The following RADIL variants were observed in gnomAD, a reference collection of about 807,000 sequenced individuals.
The protein encoded by RADIL is Rap associating with DIL domain, also known as ras-associating and dilute domain-containing protein.
Under a neutral mutation model 97.6 loss-of-function variants are expected in RADIL, and 99 were observed. The ratio of observed to expected loss-of-function variants is 1.01; its 90% CI spans 0.86 to 1.20. The LOEUF is 1.20. Among genes scored for constraint, RADIL ranks in the 50% most tolerant of loss-of-function variants. The pLI, the probability that RADIL is intolerant of heterozygous loss-of-function variation, is 0.00. For synonymous variants in RADIL, 803 were observed against 691.8 expected (o/e 1.16, Z -2.52); for missense variants, 1,765 against 1,498.9 (o/e 1.18, Z -2.93).
At position 4,798,089 on chromosome 7, in the gene RADIL, T is replaced by C. The variant is rs1320408161; in HGVS notation, c.*1289A>G. 6.8e-6 allele frequency: 1 copy of C among 147,930 alleles called. No homozygotes were observed. The highest frequency in any genetic ancestry group is 1.5e-5 in the Non-Finnish European group (1 of 67,236). The allele number at this position is 147,930 out of a possible 1,614,324, so 9.2% of individuals were successfully genotyped here. On this transcript the variant is annotated 3_prime_UTR_variant, in exon 15 of 15. Coordinates refer to ENST00000399583, the MANE Select transcript of RADIL (RefSeq NM_018059.5). ...TAATATATTCATATATAATTATATA[T>C]TTATATATATTCATATATTTTACAT... is the stretch of plus-strand genomic sequence containing the variant.
Position 4,824,442 on chromosome 7 carries a change from T to C in RADIL, c.1455-1888A>G, listed in dbSNP as rs1782919669. Among the ~76,000 whole-genome samples the C allele has an allele frequency of 1.3e-5, 2 of 152,210 alleles. No homozygotes were observed. The highest frequency in any genetic ancestry group is 2.4e-5 in the African/African-American group (1 of 41,462). The stretch of plus-strand genomic sequence containing the variant: ...AAGGCAGCCGGTTTGTGAGGGCATC[T>C]GGGAAGGGCTGAGGCCCTGTTTTCC... On this transcript the variant is annotated intron_variant, in intron 5 of 14. Coordinates refer to ENST00000399583, the MANE Select transcript of RADIL (RefSeq NM_018059.5). The surrounding 1 kb of genome is among the most constrained non-coding windows in gnomAD (Gnocchi z 6.7).
intron 2 of RADIL, among the ~76,000 whole-genome samples, chr7:4,846,123 CT>C (rs548251052): frequency 7.5e-4 from 108 of 143,652 alleles, no homozygotes; most frequent in East Asian, 1.9e-3. Context: ...CTACAATCTT[CT>C]TTTTTTTTTT....
chr7:4,819,073 T>TC lies in RADIL; in HGVS notation c.1616-1723_1616-1722insG, dbSNP rs540955989. Among the ~76,000 whole-genome samples, 10,839 of 113,608 alleles carry TC rather than the reference T, an allele frequency of 0.095. 592 individuals carry two copies. Among genetic ancestry groups the TC allele is most frequent in the African/African-American group, 0.2 (6,046 of 30,550 alleles). 74.5% of individuals were successfully genotyped at this position (113,608 alleles called of 152,430 possible). A position where few individuals can be genotyped will look rare whatever the true frequency, so the allele number is the denominator to read the frequency against. Reference sequence around the variant, plus strand: ...CTCCATTTCTCTCTCTCTCTCTCTCTTTTTTTTTTTTTTTTAAAGACAGAG... The same window carrying TC: ...CTCCATTTCTCTCTCTCTCTCTCTCTCTTTTTTTTTTTTTTTAAAGACAGAG... On this transcript the variant is annotated intron_variant, in intron 6 of 14. Transcript: ENST00000399583. The surrounding 1 kb of genome is among the most constrained non-coding windows in gnomAD (Gnocchi z 5.8).
chr7:4,864,618 C>T (rs1784091389), intron 2 of RADIL, among the ~76,000 whole-genome samples: 1 of 152,230 alleles, frequency 6.6e-6, no homozygotes, highest in Admixed American at 6.5e-5. Context: ...GAAATGACAT[C>T]TCTTTCTACC....
chr7:4,800,321 G>T lies in RADIL; in HGVS notation c.2843-11C>A. 1.4e-6 allele frequency: 2 copies of T among 1,437,446 alleles called. No homozygotes were observed. The highest frequency in any genetic ancestry group is 9.1e-7 in the Non-Finnish European group (1 of 1,095,158). 89.0% of individuals were successfully genotyped at this position (1,437,446 alleles called of 1,614,324 possible). On this transcript the variant is annotated splice_polypyrimidine_tract_variant and intron_variant, in intron 12 of 14. Coordinates refer to ENST00000399583, the MANE Select transcript of RADIL (RefSeq NM_018059.5). ...GGGCTGCAGAGTCTCCTGGGTGGGG[G>T]CCAGGAAAGGTGGGTGGGAGTGAGG... is the stretch of plus-strand genomic sequence containing the variant.
At position 4,813,074 on chromosome 7, in the gene RADIL, T is replaced by TCTCTCTCTCTCTCTC. The variant is rs1562432542; in HGVS notation, c.2139+2203_2139+2204insGAGAGAGAGAGAGAG. On this transcript the variant is annotated intron_variant, in intron 9 of 14. Coordinates refer to ENST00000399583, the MANE Select transcript of RADIL (RefSeq NM_018059.5). The surrounding 1 kb of genome is among the most constrained non-coding windows in gnomAD (Gnocchi z 5.0). ...TTCATCCTTACCCCAAGGTTCTTCT[T>TCTCTCTCTCTCTCTC]TCTCTCTCTCTCTCTCTCTCTCTCT... 7.4e-5 allele frequency among the ~76,000 whole-genome samples: 11 copies of TCTCTCTCTCTCTCTC among 147,702 alleles called. No individual in the cohort carries two copies. The highest frequency in any genetic ancestry group is 2.5e-4 in the African/African-American group (10 of 39,764).
chr7:4,861,382 T>C, intron 2 of RADIL: 1 of 1,614,206 alleles, frequency 6.2e-7, no homozygotes. Flanking sequence ...AATCTTTCAC[T>C]TCCTCCTGTA....
At chr7:4,838,941 A>G (rs994586308) in intron 2 of RADIL, among the ~76,000 whole-genome samples, 8 of 152,118 alleles carry the variant, frequency 5.3e-5, no homozygotes. Flanking sequence ...TCGTGCACAC[A>G]TGCATGCACA....
chr7:4,806,722 G>A (rs563318437), intron 9 of RADIL, among the ~76,000 whole-genome samples: 1 of 152,220 alleles, frequency 6.6e-6, no homozygotes, highest in Non-Finnish European at 1.5e-5. Flanking sequence ...GCGCATTGCA[G>A]GAAACCCACT....
At chr7:4,853,185 T>C (rs77318801) in intron 2 of RADIL, among the ~76,000 whole-genome samples, 28,568 of 152,052 alleles carry the variant, frequency 0.19, 3,595 homozygotes, top group African/African-American at 0.36. Flanking sequence ...TGACCCCCAG[T>C]GACCCCTGCT....
Position 4,834,712 on chromosome 7 carries a change from G to A in RADIL, c.1311C>T (p.Ala437=). The A allele has an allele frequency of 1.4e-6, 2 of 1,410,298 alleles. No homozygotes were observed. The highest frequency in any genetic ancestry group is 1.9e-6 in the Non-Finnish European group (2 of 1,075,728). 87.4% of individuals were successfully genotyped at this position (1,410,298 alleles called of 1,614,324 possible). Reference sequence around the variant, plus strand: ...GCTGGATGCAGAGGCACAGGAGGAAGGCGGGGGTCAGCTTGTGGTCGTCGC... The same window carrying A: ...GCTGGATGCAGAGGCACAGGAGGAAAGCGGGGGTCAGCTTGTGGTCGTCGC... ...PGGDDHKLTP[A]FLLCLCIQHS... Residue 437 remains alanine (A), a synonymous_variant, in exon 4 of 15, where the codon GCC becomes GCT. Coordinates refer to ENST00000399583, the MANE Select transcript of RADIL (RefSeq NM_018059.5). This position sits in a 1 kb window ranked among gnomAD's most constrained non-coding sequence, Gnocchi z 6.0.
Position 4,799,204 on chromosome 7 carries a change from T to A in RADIL, c.*174A>T, listed in dbSNP as rs1385647769. On this transcript the variant is annotated 3_prime_UTR_variant, in exon 15 of 15. Coordinates refer to ENST00000399583, the MANE Select transcript of RADIL (RefSeq NM_018059.5). ...CATCACAATTTCACGTCATCTGCCA[T>A]ATAAATAGAACCTACACTGAGATGC... 2 of 602,236 alleles carry A rather than the reference T, an allele frequency of 3.3e-6. No homozygotes were observed. 37.3% of individuals were successfully genotyped at this position (602,236 alleles called of 1,614,324 possible). A position where few individuals can be genotyped will look rare whatever the true frequency, so the allele number is the denominator to read the frequency against.
chr7:4,834,583 G>T lies in RADIL; in HGVS notation c.1416+24C>A. 7.6e-7 allele frequency: 1 copy of T among 1,315,532 alleles called. No homozygotes were observed. The highest frequency in any genetic ancestry group is 3.0e-5 in the South Asian group (1 of 32,960). 81.5% of individuals were successfully genotyped at this position (1,315,532 alleles called of 1,614,324 possible). A position where few individuals can be genotyped will look rare whatever the true frequency, so the allele number is the denominator to read the frequency against. ...TTCCCCCAGACCGGCACAGGACCCA[G>T]ACCGCCCACCCCAGCACACTGACCC... is the stretch of plus-strand genomic sequence containing the variant. On this transcript the variant is annotated intron_variant, in intron 4 of 14. Coordinates refer to ENST00000399583, the MANE Select transcript of RADIL (RefSeq NM_018059.5). The surrounding 1 kb of genome is among the most constrained non-coding windows in gnomAD (Gnocchi z 6.0).
At chr7:4,820,635 T>C (rs1238402994) in intron 6 of RADIL, among the ~76,000 whole-genome samples, 1 of 152,096 alleles carries the variant, frequency 6.6e-6, no homozygotes, top group Non-Finnish European at 1.5e-5. Flanking sequence ...AAGGAAACAG[T>C]GGGAAGGAAC....
chr7:4,859,848 T>G, intron 2 of RADIL: 1 of 1,318,606 alleles, frequency 7.6e-7, no homozygotes, highest in East Asian at 2.3e-5. Context: ...CGTTTTGGTT[T>G]TCTTGGTCCT....
intron 14 of RADIL, 22 bp downstream of exon 14, chr7:4,799,608 G>C (rs1297405640): frequency 6.2e-7 from 1 of 1,606,092 alleles, no homozygotes; most frequent in Non-Finnish European, 8.5e-7. Context: ...GAAGGGGCCG[G>C]GCGTGCATGC....
At position 4,813,865 on chromosome 7, in the gene RADIL, G is replaced by A. The variant is rs1213985963; in HGVS notation, c.2139+1413C>T. Among the ~76,000 whole-genome samples, 1 of 152,144 alleles carries A rather than the reference G, an allele frequency of 6.6e-6. No homozygotes were observed. The highest frequency in any genetic ancestry group is 2.4e-5 in the African/African-American group (1 of 41,432). ...GTTTTAGCCCCATCTTGACATCGGT[G>A]TCCAGAGGTACCTGGTGCCACCAAT... On this transcript the variant is annotated intron_variant, in intron 9 of 14. Transcript: ENST00000399583. This position sits in a 1 kb window ranked among gnomAD's most constrained non-coding sequence, Gnocchi z 5.0.
chr7:4,883,411 C>T lies in RADIL; in HGVS notation c.-65+185G>A, dbSNP rs982932453. ...TACCGCCCCCCGGTCCAGGCCGGGG[C>T]CCGACAGCCAGTCGGTTCCCATGGC... is the stretch of plus-strand genomic sequence containing the variant. On this transcript the variant is annotated intron_variant, in intron 1 of 14. Transcript: ENST00000399583. This position sits in a 1 kb window ranked among gnomAD's most constrained non-coding sequence, Gnocchi z 7.1. Among the ~76,000 whole-genome samples, 2 of 152,066 alleles carry T rather than the reference C, an allele frequency of 1.3e-5. No homozygotes were observed. The highest frequency in any genetic ancestry group is 2.9e-5 in the Non-Finnish European group (2 of 67,978).
intron 12 of RADIL, among the ~76,000 whole-genome samples, chr7:4,800,603 G>A (rs981685636): frequency 5.9e-5 from 9 of 152,042 alleles, no homozygotes; most frequent in Non-Finnish European, 1.2e-4. Context: ...AGGGACCCAC[G>A]CGGTTCTGTG....
Sources: gnomAD v4.1 joint callset for allele counts (sites outside exome capture counted in the v4.1 genomes callset) on GRCh38, gnomAD v4.1.1 for gene constraint, Gnocchi (gnomAD v3.1) non-coding constraint, MANE v1.5 for transcripts, NCBI Gene and HGNC (gene_info 2026-07-23, HGNC 2026-07-21) for gene names.